The following DPP10 variants were observed in gnomAD, a reference collection of about 807,000 sequenced individuals.
The protein encoded by DPP10 is dipeptidyl peptidase like 10, also known as inactive dipeptidyl peptidase 10.
DPP10 carries 33 observed loss-of-function variants against 120.9 expected under a neutral mutation model. That is an observed-to-expected ratio of 0.27 (90% CI 0.21 to 0.37). DPP10 has a LOEUF of 0.37. Ranked by LOEUF, DPP10 falls within the 10% of genes least tolerant of loss-of-function variation. The pLI, the probability that DPP10 is intolerant of heterozygous loss-of-function variation, is 1.00. For missense variants in DPP10, 816 were observed against 942.8 expected, an observed-to-expected ratio of 0.87 and a Z score of 1.76; for synonymous variants, 337 against 326.1, an observed-to-expected ratio of 1.03 and a Z score of -0.36.
intron 5 of DPP10, among the ~76,000 whole-genome samples, chr2:115,548,513 T>C (rs1251022255): frequency 6.6e-6 from 1 of 152,108 alleles, no homozygotes; most frequent in Non-Finnish European, 1.5e-5. Flanking sequence ...AATATCAGTA[T>C]AGAAAGTCAG....
intron 1 of DPP10, among the ~76,000 whole-genome samples, chr2:114,910,416 CT>C (rs1294274716): frequency 1.5e-4 from 23 of 151,818 alleles, no homozygotes; most frequent in Non-Finnish European, 2.8e-4. Context: ...AATTTTTAGA[CT>C]TTAAAAGATT....
At chr2:115,841,608 A>T (rs1007136959) in intron 25 of DPP10, among the ~76,000 whole-genome samples, 16 of 152,218 alleles carry the variant, frequency 1.1e-4, no homozygotes, top group African/African-American at 3.6e-4. Flanking sequence ...AATGTTGAGG[A>T]GTATGGAGTT....
Position 114,691,875 on chromosome 2 carries a change from T to C in DPP10, c.60+249037T>C, listed in dbSNP as rs1260184745. Among the ~76,000 whole-genome samples, 2 of 152,108 alleles carry C rather than the reference T, an allele frequency of 1.3e-5. 1 individual carries two copies. The highest frequency in any genetic ancestry group is 3.9e-4 in the East Asian group (2 of 5,178). ...ATTTTCTATTTTATGTGCGTAGAGA[T>C]GTTTATAGTATTCTCTGATGGTTGT... On this transcript the variant is annotated intron_variant, in intron 1 of 25. Coordinates refer to ENST00000410059, the MANE Select transcript of DPP10 (RefSeq NM_020868.6).
intron 5 of DPP10, among the ~76,000 whole-genome samples, chr2:115,656,070 T>C (rs7570364): frequency 0.02 from 3,043 of 151,378 alleles, 92 homozygotes; most frequent in African/African-American, 0.065. Context: ...TCTATATTAA[T>C]AAGACAGTAT....
At chr2:114,480,105 A>G (rs1262246689) in intron 1 of DPP10, among the ~76,000 whole-genome samples, 1 of 152,244 alleles carries the variant, frequency 6.6e-6, no homozygotes, top group African/African-American at 2.4e-5. Flanking sequence ...AAATGAAAGA[A>G]TGCTCATCAT....
chr2:115,392,604 A>T (rs2067393253), intron 3 of DPP10, among the ~76,000 whole-genome samples: 1 of 152,146 alleles, frequency 6.6e-6, no homozygotes. Flanking sequence ...TATATAGGAT[A>T]TTATCTTCAC....
At chr2:114,625,994 CT>C (rs964355735) in intron 1 of DPP10, among the ~76,000 whole-genome samples, 5,060 of 144,410 alleles carry the variant, frequency 0.035, 248 homozygotes, top group African/African-American at 0.11. Flanking sequence ...GCAGAGGATA[CT>C]TTTTTTTTTT....
At chr2:114,836,526 C>T (rs958294936) in intron 1 of DPP10, among the ~76,000 whole-genome samples, 2 of 152,068 alleles carry the variant, frequency 1.3e-5, no homozygotes, top group African/African-American at 2.4e-5. Context: ...CAAGAGATCA[C>T]GTGGTTCACA....
chr2:114,885,769 C>T (rs1269046551), intron 1 of DPP10, among the ~76,000 whole-genome samples: 2 of 152,150 alleles, frequency 1.3e-5, no homozygotes, highest in Non-Finnish European at 2.9e-5. Context: ...TCAGTGAAGA[C>T]TGTAGAATAT....
chr2:114,816,212 C>G (rs1304515084), intron 1 of DPP10, among the ~76,000 whole-genome samples: 2 of 152,146 alleles, frequency 1.3e-5, no homozygotes, highest in Non-Finnish European at 2.9e-5. Flanking sequence ...TTGGAATGTT[C>G]CTCCCCAAGG....
At chr2:115,697,093 G>A (rs2091633707) in intron 7 of DPP10, among the ~76,000 whole-genome samples, 1 of 150,892 alleles carries the variant, frequency 6.6e-6, no homozygotes, top group South Asian at 2.1e-4. Context: ...ACAAAAGAAA[G>A]GAAATGAGAA....
chr2:114,891,886 T>C (rs535286922), intron 1 of DPP10, among the ~76,000 whole-genome samples: 161 of 152,324 alleles, frequency 1.1e-3, no homozygotes, highest in Non-Finnish European at 1.6e-3. Context: ...TTTGAAATGA[T>C]GATTTATACT....
chr2:115,045,322 T>C (rs1704980510), intron 1 of DPP10, among the ~76,000 whole-genome samples: 1 of 152,222 alleles, frequency 6.6e-6, no homozygotes, highest in Admixed American at 6.5e-5. Flanking sequence ...GTGTTATTTT[T>C]TCTCTTGCTA....
chr2:115,366,742 C>G (rs372905914), intron 3 of DPP10, among the ~76,000 whole-genome samples: 6 of 152,154 alleles, frequency 3.9e-5, no homozygotes, highest in Admixed American at 3.9e-4. Context: ...GTGCAGTTGC[C>G]TAGCTCCCAG....
intron 1 of DPP10, among the ~76,000 whole-genome samples, chr2:114,527,535 G>A (rs558319002): frequency 6.6e-5 from 10 of 152,230 alleles, no homozygotes; most frequent in African/African-American, 1.9e-4. Context: ...AACATTTATG[G>A]CACATAGTTA....
chr2:115,141,580 T>C (rs1477510310), intron 1 of DPP10, among the ~76,000 whole-genome samples: 1 of 152,206 alleles, frequency 6.6e-6, no homozygotes, highest in Non-Finnish European at 1.5e-5. Context: ...ATGGGGTACA[T>C]AAATACTTGT....
chr2:114,821,750 C>G (rs768037947), intron 1 of DPP10, among the ~76,000 whole-genome samples: 5 of 152,200 alleles, frequency 3.3e-5, no homozygotes, highest in African/African-American at 4.8e-5. Context: ...AAGCTCCATG[C>G]AAGTCCAAAA....
At chr2:115,792,279 T>A (rs1187824136) in intron 19 of DPP10, among the ~76,000 whole-genome samples, 1 of 152,148 alleles carries the variant, frequency 6.6e-6, no homozygotes, top group East Asian at 1.9e-4. Flanking sequence ...CTTTGTAGAC[T>A]GAGTGAAATA....
At chr2:115,378,126 C>T (rs960399490) in intron 3 of DPP10, among the ~76,000 whole-genome samples, 3 of 152,132 alleles carry the variant, frequency 2.0e-5, no homozygotes, top group African/African-American at 7.2e-5. Context: ...GGCATTGAAT[C>T]TGTAAATTAC....
Sources: allele counts gnomAD v4.1 joint callset (sites outside exome capture counted in the v4.1 genomes callset), GRCh38; gene constraint gnomAD v4.1.1; transcripts MANE v1.5; gene names NCBI Gene and HGNC (gene_info 2026-07-23, HGNC 2026-07-21).